The following MECOM variants were observed in gnomAD, a reference collection of about 807,000 sequenced individuals.
The protein encoded by MECOM is histone-lysine N-methyltransferase MECOM.
In MECOM, 13 loss-of-function variants were observed where a neutral mutation model predicts 116.3. That is an observed-to-expected ratio of 0.11 (90% CI 0.07 to 0.18). The LOEUF (loss-of-function observed/expected upper bound fraction) is 0.18. Ranked by LOEUF, MECOM falls within the 10% of genes least tolerant of loss-of-function variation. The pLI, the probability that MECOM is intolerant of heterozygous loss-of-function variation, is 1.00. For missense variants in MECOM, 1,299 were observed against 1,509.0 expected, an observed-to-expected ratio of 0.86 and a Z score of 2.31; for synonymous variants, 528 against 535.2, an observed-to-expected ratio of 0.99 and a Z score of 0.19.
At chr3:169,549,839 G>T (rs1218615812) in intron 1 of MECOM, among the ~76,000 whole-genome samples, 1 of 152,216 alleles carries the variant, frequency 6.6e-6, no homozygotes, top group Non-Finnish European at 1.5e-5. Flanking sequence ...AGTCCTCTGG[G>T]ATGTGGCGCT....
At chr3:169,269,427 T>C (rs527950053) in intron 2 of MECOM, among the ~76,000 whole-genome samples, 12 of 152,246 alleles carry the variant, frequency 7.9e-5, no homozygotes, top group African/African-American at 2.9e-4. Flanking sequence ...AAAATCTCCC[T>C]GCTAACAAAT....
intron 1 of MECOM, among the ~76,000 whole-genome samples, chr3:169,415,288 T>C (rs187716029): frequency 1.8e-4 from 28 of 152,268 alleles, no homozygotes; most frequent in Non-Finnish European, 3.8e-4. Context: ...AAACTAAGCT[T>C]CATAAGTGAA....
chr3:169,579,310 T>G (rs926286207), intron 1 of MECOM, among the ~76,000 whole-genome samples: 1 of 152,126 alleles, frequency 6.6e-6, no homozygotes, highest in Non-Finnish European at 1.5e-5. Context: ...TGAATTTAGG[T>G]TTTGAGTGAC....
chr3:169,108,481 C>T (rs57903335), intron 9 of MECOM, among the ~76,000 whole-genome samples: 6,316 of 152,096 alleles, frequency 0.042, 418 homozygotes, highest in African/African-American at 0.13. Flanking sequence ...CAGTTAAGAA[C>T]GTTAATGGAA....
rs150481592 is a variant in MECOM at position 169,127,891 on chromosome 3, C to T, written c.783G>A (p.Thr261=). The T allele has an allele frequency of 9.3e-6, 15 of 1,614,032 alleles. No homozygotes were observed. The African/African-American group carries it at 1.6e-4, about 17-fold the overall frequency. Residue 261 remains threonine (T), a synonymous_variant, in exon 5 of 17, where the codon ACG becomes ACA. Transcript: ENST00000651503. ...ESENDLQEIH[T]IQECKECDQV... ...GGTCACATTCCTTACACTCCTGGAT[C>T]GTGTGTATCTCTTGGAGATCATTCT...
chr3:169,422,018 T>A (rs1195848477), intron 1 of MECOM, among the ~76,000 whole-genome samples: 1 of 152,156 alleles, frequency 6.6e-6, no homozygotes, highest in Non-Finnish European at 1.5e-5. Context: ...CACTATATAA[T>A]CATCTATATT....
At chr3:169,638,615 C>T (rs1773096899) in intron 1 of MECOM, among the ~76,000 whole-genome samples, 1 of 152,150 alleles carries the variant, frequency 6.6e-6, no homozygotes. Flanking sequence ...GTCTAATAGG[C>T]AATGGAGGGC....
intron 2 of MECOM, among the ~76,000 whole-genome samples, chr3:169,327,436 G>A (rs989381905): frequency 2.0e-5 from 3 of 152,006 alleles, no homozygotes; most frequent in Non-Finnish European, 2.9e-5. Context: ...TGAGGAGTTC[G>A]AGACCAGCCT....
At chr3:169,335,561 T>C (rs969239977) in intron 2 of MECOM, among the ~76,000 whole-genome samples, 14 of 152,128 alleles carry the variant, frequency 9.2e-5, no homozygotes, top group African/African-American at 3.4e-4. Context: ...GAATATTCCA[T>C]AAGTGCAATC....
At chr3:169,213,762 A>G (rs784290) in intron 2 of MECOM, among the ~76,000 whole-genome samples, 138,596 of 152,176 alleles carry the variant, frequency 0.91, 63,164 homozygotes, top group Middle Eastern at 0.96. Flanking sequence ...TTAAATCAAT[A>G]TATTTGCCCA....
intron 2 of MECOM, among the ~76,000 whole-genome samples, chr3:169,177,142 T>C (rs1312470586): frequency 6.6e-6 from 1 of 152,182 alleles, no homozygotes; most frequent in Non-Finnish European, 1.5e-5. Flanking sequence ...ATATAAATCA[T>C]TCTACTATAA....
At position 169,295,650 on chromosome 3, in the gene MECOM, A is replaced by G. The variant is rs16853435; in HGVS notation, c.375+85537T>C. On this transcript the variant is annotated intron_variant, in intron 2 of 16. Coordinates refer to ENST00000651503, the MANE Select transcript of MECOM (RefSeq NM_004991.4). ...AAATTCTTTTTATGTTTGAACATCA[A>G]TGTTACCTACCTATCCTCAAATATC... Among the ~76,000 whole-genome samples, 1,178 of 152,296 alleles carry G rather than the reference A, an allele frequency of 7.7e-3. 97 individuals carry two copies. The East Asian group carries it at 0.18, about 24-fold the overall frequency.
At chr3:169,649,153 T>C (rs1774549848) in intron 1 of MECOM, among the ~76,000 whole-genome samples, 1 of 152,154 alleles carries the variant, frequency 6.6e-6, no homozygotes, top group Middle Eastern at 3.2e-3. Flanking sequence ...ACAAATGTGA[T>C]AGGCAGACTT....
intron 1 of MECOM, among the ~76,000 whole-genome samples, chr3:169,446,128 G>A (rs1744582901): frequency 1.3e-5 from 2 of 152,170 alleles, no homozygotes; most frequent in Non-Finnish European, 1.5e-5. Flanking sequence ...GGGGACCATT[G>A]AGAAGGCATG....
At chr3:169,636,242 C>T (rs575519315) in intron 1 of MECOM, among the ~76,000 whole-genome samples, 1 of 152,226 alleles carries the variant, frequency 6.6e-6, no homozygotes, top group East Asian at 1.9e-4. Context: ...TCACCTTATC[C>T]ACACAGACAT....
intron 2 of MECOM, among the ~76,000 whole-genome samples, chr3:169,293,922 G>C (rs528524484): frequency 1.3e-5 from 2 of 152,208 alleles, no homozygotes; most frequent in East Asian, 3.8e-4. Flanking sequence ...GGAGACCTCA[G>C]CCTGAGAGGC....
At chr3:169,128,398 A>C (rs1733608233) in intron 4 of MECOM, among the ~76,000 whole-genome samples, 2 of 152,222 alleles carry the variant, frequency 1.3e-5, no homozygotes, top group South Asian at 4.1e-4. Context: ...GACATTCCTT[A>C]AAACCTGATT....
Position 169,280,396 on chromosome 3 carries a change from T to C in MECOM, c.375+100791A>G, listed in dbSNP as rs1487700981. 2.6e-5 allele frequency among the ~76,000 whole-genome samples: 4 copies of C among 152,200 alleles called. No homozygotes were observed. The East Asian group carries it at 7.7e-4, about 29-fold the overall frequency. ...ACAATGATTGTAGTTATATCAGGCATCTAGTGTATTCATTCAACAAATATT... is the reference window on the plus strand; with the variant it reads ...ACAATGATTGTAGTTATATCAGGCACCTAGTGTATTCATTCAACAAATATT... On this transcript the variant is annotated intron_variant, in intron 2 of 16. Transcript: ENST00000651503.
intron 1 of MECOM, among the ~76,000 whole-genome samples, chr3:169,529,565 C>A (rs1336985572): frequency 6.6e-6 from 1 of 152,200 alleles, no homozygotes; most frequent in African/African-American, 2.4e-5. Flanking sequence ...CACTCCCCAG[C>A]ATTTCAAAAT....
Sources: allele counts gnomAD v4.1 joint callset (sites outside exome capture counted in the v4.1 genomes callset), GRCh38; gene constraint gnomAD v4.1.1; transcripts MANE v1.5; gene names NCBI Gene and HGNC (gene_info 2026-07-23, HGNC 2026-07-21).